Variants in SPATA1 observed in about 807,000 individuals in gnomAD.
SPATA1 encodes spermatogenesis-associated protein 1.
Under a neutral mutation model 59.6 loss-of-function variants are expected in SPATA1, and 57 were observed. The observed-to-expected ratio is 0.96, with a 90% CI of 0.77 to 1.19. The LOEUF (loss-of-function observed/expected upper bound fraction) is 1.19. SPATA1 is among the 50% of genes most tolerant of loss of function. The pLI is 0.00. For synonymous variants in SPATA1, 147 were observed against 163.9 expected (o/e 0.90, Z 0.79); for missense variants, 448 against 480.7 (o/e 0.93, Z 0.64).
At chr1:84,542,282 G>T (rs1255846491) in intron 8 of SPATA1, among the ~76,000 whole-genome samples, 1 of 152,030 alleles carries the variant, frequency 6.6e-6, no homozygotes, top group Non-Finnish European at 1.5e-5. Context: ...TGGGGAAATG[G>T]GTATGTTTTC....
At chr1:84,511,679 C>CTTTTTTTTTTTTTTTTTTTTTTT (rs1310907189) in intron 1 of SPATA1, among the ~76,000 whole-genome samples, 1 of 67,608 alleles carries the variant, frequency 1.5e-5, no homozygotes, top group Non-Finnish European at 2.9e-5. Context: ...TTCTTTCTTT[C>CTTTTTTTTTTTTTTTTTTTTTTT]TTTTTTTTTT....
exon 6 of SPATA1, chr1:84,526,066 GGAA>G (rs1353624206): frequency 1.2e-6 from 2 of 1,606,282 alleles, no homozygotes; most frequent in African/African-American, 1.3e-5. Flanking sequence ...ACAAGAATCA[GGAA>G]GAAGGTGATT....
intron 2 of SPATA1, among the ~76,000 whole-genome samples, chr1:84,518,372 G>T (rs1171197429): frequency 6.6e-6 from 1 of 152,056 alleles, no homozygotes; most frequent in Non-Finnish European, 1.5e-5. Flanking sequence ...TTGTGATTAT[G>T]TTACAGAGGT....
Position 84,522,517 on chromosome 1 carries a change from CTT to C in SPATA1, c.261+18_261+19del. On this transcript the variant is annotated intron_variant, in intron 4 of 12. Transcript: ENST00000490879. The stretch of plus-strand genomic sequence containing the variant: ...AAATAATTTAGCTGTGGTAAGTTTT[CTT>C]TTTTTTTCTTTCTGATTGAGAAAGA... 7.1e-7 allele frequency: 1 copy of C among 1,402,606 alleles called. No individual in the cohort carries two copies. The highest frequency in any genetic ancestry group is 9.6e-7 in the Non-Finnish European group (1 of 1,037,316). The allele number at this position is 1,402,606 out of a possible 1,614,324, so 86.9% of individuals were successfully genotyped here.
chr1:84,525,947 G>A (rs1471820235), exon 6 of SPATA1: 3 of 1,613,580 alleles, frequency 1.9e-6, no homozygotes, highest in Non-Finnish European at 2.5e-6. Flanking sequence ...TAATAATGGT[G>A]TTAATGAGGC....
chr1:84,509,329 C>G (rs1682433684), intron 1 of SPATA1, among the ~76,000 whole-genome samples: 1 of 152,174 alleles, frequency 6.6e-6, no homozygotes, highest in Non-Finnish European at 1.5e-5. Context: ...AAAGGACAGT[C>G]CCTCCAATAA....
chr1:84,561,655 G>A (rs1445578252), intron 4 of SPATA1, among the ~76,000 whole-genome samples: 1 of 152,136 alleles, frequency 6.6e-6, no homozygotes, highest in Non-Finnish European at 1.5e-5. Context: ...CTTCACTGTT[G>A]TCTTATTTTA....
intron 8 of SPATA1, among the ~76,000 whole-genome samples, chr1:84,536,541 G>T (rs528387681): frequency 3.7e-4 from 57 of 152,258 alleles, no homozygotes; most frequent in African/African-American, 1.1e-3. Flanking sequence ...CCCCCCGGGT[G>T]CATGCCATTC....
At chr1:84,508,628 C>A (rs1235325174) in intron 1 of SPATA1, among the ~76,000 whole-genome samples, 1 of 152,114 alleles carries the variant, frequency 6.6e-6, no homozygotes, top group East Asian at 1.9e-4. Context: ...TAATTAGTAC[C>A]CTAAGTTCTT....
intron 12 of SPATA1, chr1:84,550,889 AT>A: frequency 1.0e-6 from 1 of 982,048 alleles, no homozygotes; most frequent in Non-Finnish European, 1.2e-6. Flanking sequence ...CTGACATTTA[AT>A]TTTTTATGGG....
At chr1:84,515,944 C>A (rs1682777223) in intron 1 of SPATA1, among the ~76,000 whole-genome samples, 1 of 152,132 alleles carries the variant, frequency 6.6e-6, no homozygotes, top group African/African-American at 2.4e-5. Flanking sequence ...ATGTGTATTT[C>A]TACTTCATGT....
intron 6 of SPATA1, 113 bp from the exon 7 acceptor site, chr1:84,532,747 G>T: frequency 1.6e-6 from 1 of 644,426 alleles, no homozygotes. Flanking sequence ...AAGTTCATGG[G>T]GATTCTGAAA....
chr1:84,513,587 G>C (rs559855205), intron 1 of SPATA1, among the ~76,000 whole-genome samples: 34 of 152,334 alleles, frequency 2.2e-4, no homozygotes, highest in Non-Finnish European at 4.6e-4. Context: ...AAACTGTCAC[G>C]CTAATAGGTC....
chr1:84,507,644 G>A (rs1403659553), intron 1 of SPATA1, among the ~76,000 whole-genome samples: 3 of 152,098 alleles, frequency 2.0e-5, no homozygotes, highest in East Asian at 1.9e-4. Flanking sequence ...ATGCTAAAAC[G>A]TCATTCATAC....
chr1:84,560,668 C>A (rs563922137), intron 4 of SPATA1, among the ~76,000 whole-genome samples: 1 of 152,252 alleles, frequency 6.6e-6, no homozygotes, highest in East Asian at 1.9e-4. Flanking sequence ...CTTTAAAGCT[C>A]AAAGTACAGG....
chr1:84,512,247 C>G (rs908882250), intron 1 of SPATA1, among the ~76,000 whole-genome samples: 1 of 152,146 alleles, frequency 6.6e-6, no homozygotes, highest in African/African-American at 2.4e-5. Context: ...TCACTTGTTG[C>G]ATTCCTTGAG....
chr1:84,507,382 G>A (rs1439976621), intron 1 of SPATA1: 1 of 152,134 alleles, frequency 6.6e-6, no homozygotes, highest in African/African-American at 2.4e-5. Context: ...TAATTCATAC[G>A]GATGTAATGA....
At chr1:84,550,622 G>C in intron 12 of SPATA1, 92 bp downstream of exon 12, 3 of 1,343,986 alleles carry the variant, frequency 2.2e-6, no homozygotes, top group Non-Finnish European at 2.9e-6. Flanking sequence ...ATAATATAAG[G>C]GTAGCCAGGA....
intron 6 of SPATA1, among the ~76,000 whole-genome samples, chr1:84,531,260 T>C (rs1683451991): frequency 6.6e-6 from 1 of 152,106 alleles, no homozygotes; most frequent in South Asian, 2.1e-4. Flanking sequence ...CCTCCTGGAT[T>C]CAAGCTATTC....
Sources: gnomAD v4.1 joint callset for allele counts (sites outside exome capture counted in the v4.1 genomes callset) on GRCh38, gnomAD v4.1.1 for gene constraint, MANE v1.5 for transcripts, NCBI Gene and HGNC (gene_info 2026-07-23, HGNC 2026-07-21) for gene names.